MSANTD5: variants seen among roughly 807,000 people sequenced by gnomAD.
MSANTD5 encodes the protein Myb/SANT DNA binding domain containing 5, also known as uncharacterized protein MSANTD5.
At chr5:178,697,400 G>C (rs933468385) in intron 1 of MSANTD5, among the ~76,000 whole-genome samples, 186 bp downstream of exon 1, 1 of 152,198 alleles carries the variant, frequency 6.6e-6, no homozygotes. Flanking sequence ...GTTGCAGTGA[G>C]CCGGGATCGC....
rs531844855 is a variant in MSANTD5 at position 178,697,346 on chromosome 5, C to T, written c.6+240G>A. Among the ~76,000 whole-genome samples the T allele has an allele frequency of 2.6e-4, 39 of 151,840 alleles. No homozygotes were observed. The South Asian group carries it at 3.5e-3, about 14-fold the overall frequency. On this transcript the variant is annotated intron_variant, in intron 1 of 3. Transcript: ENST00000648368. ...GCGGGCGCCTGTAGTCCCAGCTACTCGGGAGGCTGAGGCAGGAGAATGGCC... is the reference window on the plus strand; with the variant it reads ...GCGGGCGCCTGTAGTCCCAGCTACTTGGGAGGCTGAGGCAGGAGAATGGCC...
upstream of MSANTD5, among the ~76,000 whole-genome samples, chr5:178,699,931 G>A (rs1158638687): frequency 6.6e-6 from 1 of 151,688 alleles, no homozygotes; most frequent in African/African-American, 2.4e-5. Context: ...GCCTGTTTCT[G>A]TGGCTTTCCA....
chr5:178,697,375 A>AC (rs1765429300), intron 1 of MSANTD5, among the ~76,000 whole-genome samples: 2 of 152,014 alleles, frequency 1.3e-5, no homozygotes, highest in Admixed American at 6.6e-5. Context: ...AATGGCCTGA[A>AC]CCCGGGAGGC....
chr5:178,696,041 T>A (rs60402225), intron 2 of MSANTD5, 56 bp downstream of exon 2: 1 of 151,922 alleles, frequency 6.6e-6, no homozygotes, highest in Non-Finnish European at 1.5e-5. Context: ...CTCGAGAAGA[T>A]GGAGGTGGGC....
chr5:178,697,094 G>T (rs1289152935), intron 1 of MSANTD5, among the ~76,000 whole-genome samples: 2 of 152,114 alleles, frequency 1.3e-5, no homozygotes, highest in East Asian at 3.9e-4. Flanking sequence ...AACTAACAAA[G>T]ATTCAAAACG....
the MSANTD5 span, among the ~76,000 whole-genome samples, chr5:178,706,071 C>A: frequency 7.4e-4 from 112 of 152,278 alleles, no homozygotes; most frequent in Non-Finnish European, 8.8e-5. Context: ...GAAATCCCAA[C>A]CTTGGTGTAA....
At chr5:178,702,245 G>C (rs572433410), upstream of MSANTD5, among the ~76,000 whole-genome samples, 2 of 151,610 alleles carry the variant, frequency 1.3e-5, no homozygotes, top group Non-Finnish European at 2.9e-5. Flanking sequence ...TGCAACAAGG[G>C]AGTTTGAAAG....
intron 1 of MSANTD5, among the ~76,000 whole-genome samples, 170 bp downstream of exon 1, chr5:178,697,416 T>A (rs377227582): frequency 6.6e-6 from 1 of 152,088 alleles, no homozygotes; most frequent in Non-Finnish European, 1.5e-5. Context: ...ATCGCGCCCC[T>A]GCACTCCAGC....
At chr5:178,693,049 T>A (rs1035568856), downstream of MSANTD5, among the ~76,000 whole-genome samples, 1 of 151,866 alleles carries the variant, frequency 6.6e-6, no homozygotes, top group Non-Finnish European at 1.5e-5. Flanking sequence ...GTAGCTCACG[T>A]CGGTAATCCC....
At chr5:178,699,906 C>T (rs144501144), upstream of MSANTD5, among the ~76,000 whole-genome samples, 238 of 151,640 alleles carry the variant, frequency 1.6e-3, no homozygotes, top group African/African-American at 5.5e-3. Flanking sequence ...ATCTTGTCCT[C>T]GGTATATGCA....
chr5:178,702,291 C>CTTTTTTTTT (rs906079918), upstream of MSANTD5, among the ~76,000 whole-genome samples: 8 of 142,184 alleles, frequency 5.6e-5, no homozygotes, highest in African/African-American at 2.1e-4. Flanking sequence ...ATTTTTCTTT[C>CTTTTTTTTT]TTTTTTTTTC....
At chr5:178,702,029 G>A (rs1171909749), upstream of MSANTD5, among the ~76,000 whole-genome samples, 4 of 149,732 alleles carry the variant, frequency 2.7e-5, no homozygotes, top group Middle Eastern at 3.4e-3. Context: ...CACCGCGCCC[G>A]GCCGAATATT....
At chr5:178,705,292 C>T in the MSANTD5 span, among the ~76,000 whole-genome samples, 7 of 152,036 alleles carry the variant, frequency 4.6e-5, no homozygotes, top group East Asian at 3.9e-4. Flanking sequence ...GTGATCTGCC[C>T]GCCTCGGTCT....
chr5:178,696,613 G>A (rs1246518175), intron 1 of MSANTD5, among the ~76,000 whole-genome samples: 1 of 152,156 alleles, frequency 6.6e-6, no homozygotes, highest in Non-Finnish European at 1.5e-5. Flanking sequence ...GGACAGTGGA[G>A]TGAAGGCAGG....
downstream of MSANTD5, among the ~76,000 whole-genome samples, chr5:178,692,376 T>C (rs1435408192): frequency 9.5e-6 from 1 of 105,746 alleles, no homozygotes; most frequent in Non-Finnish European, 1.8e-5. Flanking sequence ...CAAGACTCCA[T>C]CTCAAAAAAA....
the MSANTD5 span, among the ~76,000 whole-genome samples, chr5:178,703,071 A>G: frequency 6.6e-6 from 1 of 152,362 alleles, no homozygotes; most frequent in Non-Finnish European, 1.5e-5. Context: ...AACAGATTCC[A>G]TGAAGACATC....
At chr5:178,692,072 T>TAA (rs58907781), downstream of MSANTD5, among the ~76,000 whole-genome samples, 1,037 of 91,130 alleles carry the variant, frequency 0.011, 124 homozygotes, top group Admixed American at 0.016. Context: ...TGGCAGTTTC[T>TAA]AAAAAAAAAA....
chr5:178,697,391 T>C (rs1298749319), intron 1 of MSANTD5, among the ~76,000 whole-genome samples, 195 bp downstream of exon 1: 2 of 151,744 alleles, frequency 1.3e-5, no homozygotes, highest in Non-Finnish European at 2.9e-5. Flanking sequence ...GAGGCGGAGG[T>C]TGCAGTGAGC....
At chr5:178,704,455 T>G in the MSANTD5 span, among the ~76,000 whole-genome samples, 1 of 152,224 alleles carries the variant, frequency 6.6e-6, no homozygotes, top group Non-Finnish European at 1.5e-5. Flanking sequence ...AGCCAGAAAG[T>G]GGGCCCTCAC....
Sources: allele counts gnomAD v4.1 joint callset (sites outside exome capture counted in the v4.1 genomes callset), GRCh38; gene constraint gnomAD v4.1.1; transcripts MANE v1.5; gene names NCBI Gene and HGNC (gene_info 2026-07-23, HGNC 2026-07-21).